MYEOV: variants seen among roughly 807,000 people sequenced by gnomAD.
MYEOV encodes the protein myeloma-overexpressed gene protein.
In MYEOV, 4 loss-of-function variants were observed where a neutral mutation model predicts 4.5. That is an observed-to-expected ratio of 0.89 (90% CI 0.44 to 2.03). MYEOV has a LOEUF of 2.03. Ranked by LOEUF, MYEOV falls within the 30% of genes most tolerant of loss-of-function variation. MYEOV has a pLI of 0.03. For missense variants in MYEOV, 408 were observed against 412.8 expected (o/e 0.99, Z 0.10); for synonymous variants, 184 against 170.3 (o/e 1.08, Z -0.63).
rs1435833383 is a variant in MYEOV at position 69,295,906 on chromosome 11, T to C, written c.456T>C (p.Ser152=). 6.2e-7 allele frequency: 1 copy of C among 1,614,160 alleles called. No homozygotes were observed. Among genetic ancestry groups the C allele is most frequent in the Admixed American group, 1.7e-5 (1 of 60,024 alleles). ...GTLCGTGNRN[S]GSQSARVVGV... is the part of the protein sequence containing the mutation. ...TGTGTGGCACTGGGAACAGGAATTC[T>C]GGGAGTCAGTCTGCAAGGGTGGTGG... Residue 152 remains serine (S), a synonymous_variant, in exon 3 of 3, where the codon TCT becomes TCC. Transcript: ENST00000441339. The surrounding 1 kb of genome is among the most constrained non-coding windows in gnomAD (Gnocchi z 4.1).
Position 69,295,451 on chromosome 11 carries a change from C to T in MYEOV, c.97C>T (p.His33Tyr). ...LCLEQSPSWC[H>Y]CLRGVSFLTF... ...CCTGGAACAGTCTCCCTCCTGGTGT[C>T]ATTGTCTCCGTGGTGTGTCCTTCCT... Residue 33 changes from histidine (H) to tyrosine (Y), a missense_variant, in exon 2 of 3, where the codon CAT becomes TAT. Transcript: ENST00000441339. This position sits in a 1 kb window ranked among gnomAD's most constrained non-coding sequence, Gnocchi z 4.1. 1 of 1,614,196 alleles carries T rather than the reference C, an allele frequency of 6.2e-7. No individual in the cohort carries two copies. The highest frequency in any genetic ancestry group is 8.5e-7 in the Non-Finnish European group (1 of 1,180,018).
rs1565151608 is a variant in MYEOV at position 69,296,131 on chromosome 11, T to C, written c.681T>C (p.Pro227=). ...TGACCCTGGCAGAATCGAGCTGCCCTGACTATGAAAGGGGAAGAAGAGCAT... is the reference window on the plus strand; with the variant it reads ...TGACCCTGGCAGAATCGAGCTGCCCCGACTATGAAAGGGGAAGAAGAGCAT... ...LCMTLAESSC[P]DYERGRRACL... Residue 227 remains proline (P), a synonymous_variant, in exon 3 of 3, where the codon CCT becomes CCC. Transcript: ENST00000441339. The C allele has an allele frequency of 1.2e-6, 2 of 1,614,132 alleles. No homozygotes were observed. The highest frequency in any genetic ancestry group is 1.6e-4 in the Middle Eastern group (1 of 6,062).
In MYEOV at chr11:69,296,278, T is replaced by A; in HGVS notation, c.828T>A (p.Val276=). The stretch of plus-strand genomic sequence containing the variant: ...CCCTGGGGGGGTGGCGCATGGGAGT[T>A]AGGAGGACTGGCCAGGTGGGGCCCA... ...VEALGGWRMG[V]RRTGQVGPTM... The change falls in exon 3 of 3, where the codon GTT becomes GTA. Residue 276 remains valine (V), a synonymous_variant. Coordinates refer to ENST00000441339, the MANE Select transcript of MYEOV (RefSeq NM_001293291.2). 6.4e-7 allele frequency: 1 copy of A among 1,570,348 alleles called. No homozygotes were observed. The highest frequency in any genetic ancestry group is 8.7e-7 in the Non-Finnish European group (1 of 1,155,624).
Position 69,295,500 on chromosome 11 carries a change from C to T in MYEOV, c.141+5C>T, listed in dbSNP as rs765618008. ...CTGACCTTCCACCTCCACCAGGTGC[C>T]GACACTTCCCTGACCCCAGTAACCT... On this transcript the variant is annotated splice_donor_5th_base_variant and intron_variant, in intron 2 of 2. Transcript: ENST00000441339. This position sits in a 1 kb window ranked among gnomAD's most constrained non-coding sequence, Gnocchi z 4.1. The T allele has an allele frequency of 2.0e-5, 32 of 1,613,916 alleles. No homozygotes were observed. Among genetic ancestry groups the T allele is most frequent in the East Asian group, 6.7e-5 (3 of 44,876 alleles).
Position 69,296,476 on chromosome 11 carries a change from C to A in MYEOV, c.*84C>A. ...TCCATGAGGTAGCTACTAAAACCCC[C>A]CACTTAACAGATGAGGAAACTGAGG... On this transcript the variant is annotated 3_prime_UTR_variant, in exon 3 of 3. Transcript: ENST00000441339. The A allele has an allele frequency of 3.2e-6, 3 of 923,298 alleles. No homozygotes were observed. The highest frequency in any genetic ancestry group is 4.7e-6 in the Non-Finnish European group (3 of 639,718). The allele number at this position is 923,298 out of a possible 1,614,324, so 57.2% of individuals were successfully genotyped here.
Position 69,295,510 on chromosome 11 carries a change from C to T in MYEOV, c.141+15C>T. Reference sequence around the variant, plus strand: ...ACCTCCACCAGGTGCCGACACTTCCCTGACCCCAGTAACCTCTTCTCTTGG... The same window carrying T: ...ACCTCCACCAGGTGCCGACACTTCCTTGACCCCAGTAACCTCTTCTCTTGG... On this transcript the variant is annotated intron_variant, in intron 2 of 2. Coordinates refer to ENST00000441339, the MANE Select transcript of MYEOV (RefSeq NM_001293291.2). The surrounding 1 kb of genome is among the most constrained non-coding windows in gnomAD (Gnocchi z 4.1). 3 of 1,614,046 alleles carry T rather than the reference C, an allele frequency of 1.9e-6. No individual in the cohort carries two copies. The highest frequency in any genetic ancestry group is 2.5e-6 in the Non-Finnish European group (3 of 1,179,950).
Position 69,296,096 on chromosome 11 carries a change from GC to G in MYEOV, c.647del (p.Ala216AspfsTer4). ...GCGAGGACTTCTGGCCGGTGCCGGG[GC>G]ACTCTGCATGACCCTGGCAGAATCG... ...PGRGLLAGAG[A>X]LCMTLAESSC... On this transcript the variant is annotated frameshift_variant, in exon 3 of 3. Transcript: ENST00000441339. 6.2e-7 allele frequency: 1 copy of G among 1,614,098 alleles called. No individual in the cohort carries two copies. Among genetic ancestry groups the G allele is most frequent in the Non-Finnish European group, 8.5e-7 (1 of 1,180,030 alleles).
At position 69,295,625 on chromosome 11, in the gene MYEOV, A is replaced by G. The variant is rs1474218394; in HGVS notation, c.175A>G (p.Met59Val). Residue 59 changes from methionine (M) to valine (V), a missense_variant, in exon 3 of 3, where the codon ATG (methionine) becomes GTG (valine). Met to Val is a conservative substitution (Grantham distance 21). Transcript: ENST00000441339. This position sits in a 1 kb window ranked among gnomAD's most constrained non-coding sequence, Gnocchi z 4.1. The stretch of plus-strand genomic sequence containing the variant: ...CCTTGGGGACAGGGACTCGTTGCTC[A>G]TGTTCACCCGGCAGGCTGGACACTT... ...VPLGDRDSLL[M>V]FTRQAGHFVE... The G allele has an allele frequency of 6.2e-7, 1 of 1,613,882 alleles. No individual in the cohort carries two copies. The highest frequency in any genetic ancestry group is 1.1e-5 in the South Asian group (1 of 91,060).
rs1315370177 is a variant in MYEOV at position 69,295,626 on chromosome 11, T to C, written c.176T>C (p.Met59Thr). 1 of 1,613,958 alleles carries C rather than the reference T, an allele frequency of 6.2e-7. No homozygotes were observed. Among genetic ancestry groups the C allele is most frequent in the African/African-American group, 1.3e-5 (1 of 74,936 alleles). ...VPLGDRDSLL[M>T]FTRQAGHFVE... The stretch of plus-strand genomic sequence containing the variant: ...CTTGGGGACAGGGACTCGTTGCTCA[T>C]GTTCACCCGGCAGGCTGGACACTTC... Residue 59 changes from methionine to threonine, a missense_variant, in exon 3 of 3, where the codon ATG becomes ACG. By Grantham distance (81) the Met-to-Thr change is moderately conservative. Transcript: ENST00000441339. This position sits in a 1 kb window ranked among gnomAD's most constrained non-coding sequence, Gnocchi z 4.1.
In MYEOV at chr11:69,295,208, A is replaced by C. The variant is rs1346614727; in HGVS notation, c.-122-25A>C. The C allele has an allele frequency of 7.6e-7, 1 of 1,317,228 alleles. No individual in the cohort carries two copies. The highest frequency in any genetic ancestry group is 1.0e-6 in the Non-Finnish European group (1 of 984,624). The allele number at this position is 1,317,228 out of a possible 1,614,324, so 81.6% of individuals were successfully genotyped here. A position where few individuals can be genotyped will look rare whatever the true frequency, so the allele number is the denominator to read the frequency against. ...AGTGCCTTCCCGGGGTGGATTACGG[A>C]TGGTAGTATCTTCCTTCTCCTCAGA... On this transcript the variant is annotated intron_variant, in intron 1 of 2. Coordinates refer to ENST00000441339, the MANE Select transcript of MYEOV (RefSeq NM_001293291.2). This position sits in a 1 kb window ranked among gnomAD's most constrained non-coding sequence, Gnocchi z 4.1.
chr11:69,296,227 C>A lies in MYEOV; in HGVS notation c.777C>A (p.Ser259=). The part of the protein sequence containing the change: ...TWGLPLRVAG[S]WLTVVTVEAL... ...GCCTGCCTCTGCGGGTGGCTGGGTC[C>A]TGGCTGACTGTTGTGACTGTTGAGG... Residue 259 remains serine, a synonymous_variant, in exon 3 of 3, where the codon TCC becomes TCA. Transcript: ENST00000441339. The A allele has an allele frequency of 6.2e-7, 1 of 1,608,302 alleles. No individual in the cohort carries two copies. Among genetic ancestry groups the A allele is most frequent in the Non-Finnish European group, 8.5e-7 (1 of 1,176,392 alleles).
rs1281635566 is a variant in MYEOV, at chr11:69,295,211, G to A, written c.-122-22G>A. ...GCCTTCCCGGGGTGGATTACGGATG[G>A]TAGTATCTTCCTTCTCCTCAGAGTC... On this transcript the variant is annotated intron_variant, in intron 1 of 2. Transcript: ENST00000441339. This position sits in a 1 kb window ranked among gnomAD's most constrained non-coding sequence, Gnocchi z 4.1. The A allele has an allele frequency of 3.0e-6, 4 of 1,332,626 alleles. No individual in the cohort carries two copies. The highest frequency in any genetic ancestry group is 3.0e-5 in the African/African-American group (2 of 67,480). 82.6% of individuals were successfully genotyped at this position (1,332,626 alleles called of 1,614,324 possible).
In MYEOV at chr11:69,296,310, A is replaced by C; in HGVS notation, c.860A>C (p.His287Pro). The C allele has an allele frequency of 6.5e-7, 1 of 1,527,980 alleles. No individual in the cohort carries two copies. Among genetic ancestry groups the C allele is most frequent in the Non-Finnish European group, 8.8e-7 (1 of 1,137,262 alleles). The allele number at this position is 1,527,980 out of a possible 1,614,324, so 94.7% of individuals were successfully genotyped here. The change falls in exon 3 of 3, where the codon CAC becomes CCC. Residue 287 changes from histidine to proline, a missense_variant. By Grantham distance (77) the His-to-Pro change is moderately conservative (BLOSUM62 -2). Coordinates refer to ENST00000441339, the MANE Select transcript of MYEOV (RefSeq NM_001293291.2). ...RRTGQVGPTM[H>P]PPPVSGASPL... is the part of the protein sequence containing the mutation. ...ACTGGCCAGGTGGGGCCCACTATGCACCCACCCCCAGTGTCAGGTGCTTCT... is the reference window on the plus strand; with the variant it reads ...ACTGGCCAGGTGGGGCCCACTATGCCCCCACCCCCAGTGTCAGGTGCTTCT...
In MYEOV at chr11:69,295,933, C is replaced by T. The variant is rs766472380; in HGVS notation, c.483C>T (p.Gly161=). 24 of 1,613,990 alleles carry T rather than the reference C, an allele frequency of 1.5e-5. No individual in the cohort carries two copies. The highest frequency in any genetic ancestry group is 3.3e-4 in the Middle Eastern group (2 of 6,084). Residue 161 remains glycine, a synonymous_variant, in exon 3 of 3, where the codon GGC becomes GGT. Transcript: ENST00000441339. This position sits in a 1 kb window ranked among gnomAD's most constrained non-coding sequence, Gnocchi z 4.1. ...GGAGTCAGTCTGCAAGGGTGGTGGG[C>T]GTTGCTCACCTGGGAGAAGCCTTTA... ...NSGSQSARVV[G]VAHLGEAFRV...
At position 69,295,374 on chromosome 11, in the gene MYEOV, T is replaced by G. The variant is rs763022931; in HGVS notation, c.20T>G (p.Val7Gly). Residue 7 changes from valine (V) to glycine (G), a missense_variant, in exon 2 of 3, where the codon GTC (valine) becomes GGC (glycine). By Grantham distance (109) the Val-to-Gly change is moderately radical. Transcript: ENST00000441339. This position sits in a 1 kb window ranked among gnomAD's most constrained non-coding sequence, Gnocchi z 4.1. ...CGGCTCATGGCCCTCAGAATCTGCG[T>G]CACATACACCCCAGCTCTCCCGATA... MALRIC[V>G]TYTPALPIGL... 6.2e-7 allele frequency: 1 copy of G among 1,610,264 alleles called. No homozygotes were observed. Among genetic ancestry groups the G allele is most frequent in the Non-Finnish European group, 8.5e-7 (1 of 1,178,128 alleles).
At position 69,295,720 on chromosome 11, in the gene MYEOV, G is replaced by T. The variant is rs775689189; in HGVS notation, c.270G>T (p.Val90=). The T allele has an allele frequency of 1.4e-5, 23 of 1,614,068 alleles. No individual in the cohort carries two copies. The Admixed American group carries it at 3.5e-4, about 25-fold the overall frequency. ...LCLSQALRVA[V]RGAFVSLWFA... ...TCTCCCAGGCCCTGCGTGTTGCGGT[G>T]AGAGGAGCATTTGTGTCTCTGTGGT... Residue 90 remains valine (V), a synonymous_variant, in exon 3 of 3, where the codon GTG becomes GTT. Coordinates refer to ENST00000441339, the MANE Select transcript of MYEOV (RefSeq NM_001293291.2). The surrounding 1 kb of genome is among the most constrained non-coding windows in gnomAD (Gnocchi z 4.1).
At position 69,296,485 on chromosome 11, in the gene MYEOV, A is replaced by G; in HGVS notation, c.*93A>G. ...TAGCTACTAAAACCCCCCACTTAAC[A>G]GATGAGGAAACTGAGGCCTAGAGAA... On this transcript the variant is annotated 3_prime_UTR_variant, in exon 3 of 3. Coordinates refer to ENST00000441339, the MANE Select transcript of MYEOV (RefSeq NM_001293291.2). 2.3e-6 allele frequency: 2 copies of G among 863,828 alleles called. No individual in the cohort carries two copies. The highest frequency in any genetic ancestry group is 4.3e-5 in the South Asian group (2 of 46,962). The allele number at this position is 863,828 out of a possible 1,614,324, so 53.5% of individuals were successfully genotyped here. A position where few individuals can be genotyped will look rare whatever the true frequency, so the allele number is the denominator to read the frequency against.
Position 69,296,182 on chromosome 11 carries a change from C to G in MYEOV, c.732C>G (p.Thr244=). The G allele has an allele frequency of 6.2e-7, 1 of 1,613,860 alleles. No homozygotes were observed. The highest frequency in any genetic ancestry group is 1.7e-5 in the Admixed American group (1 of 60,006). Residue 244 remains threonine, a synonymous_variant, in exon 3 of 3, where the codon ACC becomes ACG. Transcript: ENST00000441339. ...GCCTGACCCTCCACCGGCACCCCAC[C>G]CCTCACTGCTCCACCTGGGGCCTGC... ...RACLTLHRHP[T]PHCSTWGLPL...
chr11:69,295,674 G>T lies in MYEOV; in HGVS notation c.224G>T (p.Arg75Ile). 1 of 1,614,128 alleles carries T rather than the reference G, an allele frequency of 6.2e-7. No individual in the cohort carries two copies. Among genetic ancestry groups the T allele is most frequent in the South Asian group, 1.1e-5 (1 of 91,074 alleles). The change falls in exon 3 of 3, where the codon AGA becomes ATA. Residue 75 changes from arginine (R) to isoleucine (I), a missense_variant. By Grantham distance (97) the Arg-to-Ile change is moderately conservative. Transcript: ENST00000441339. The surrounding 1 kb of genome is among the most constrained non-coding windows in gnomAD (Gnocchi z 4.1). ...TTCGTGGAGGGCTCCAAAGCCGGCA[G>T]ATCCCGGGGCCGCCTCTGTCTCTCC... ...GHFVEGSKAG[R>I]SRGRLCLSQA...
Sources: gnomAD v4.1 joint callset for allele counts on GRCh38, gnomAD v4.1.1 for gene constraint, Gnocchi (gnomAD v3.1) non-coding constraint, MANE v1.5 for transcripts, NCBI Gene and HGNC (gene_info 2026-07-23, HGNC 2026-07-21) for gene names.